The following PPM1G variants were observed in gnomAD, a reference collection of about 807,000 sequenced individuals.
PPM1G encodes the protein protein phosphatase 1G.
Under a neutral mutation model 59.4 loss-of-function variants are expected in PPM1G, and 12 were observed. That is an observed-to-expected ratio of 0.20 (90% confidence interval 0.13 to 0.33). The LOEUF is 0.33. PPM1G is among the 10% of genes least tolerant of loss of function. PPM1G has a pLI of 1.00. For synonymous variants in PPM1G, 245 were observed against 251.9 expected (o/e 0.97, Z 0.26); for missense variants, 392 against 681.3 (o/e 0.58, Z 4.73).
At chr2:27,387,521 G>T (rs1406124885) in intron 1 of PPM1G, among the ~76,000 whole-genome samples, 3 of 151,366 alleles carry the variant, frequency 2.0e-5, no homozygotes, top group Non-Finnish European at 4.4e-5. Context: ...TTTTTTTTGA[G>T]ACAGAGTCTC....
rs70953857 is a variant in PPM1G at position 27,392,286 on chromosome 2, GTTTTTTTTTT to G, written c.121-5138_121-5129del. Reference sequence around the variant, plus strand: ...TTACTTTGTTTTGTTGGTTTGTTTTGTTTTTTTTTTTTTTTTTTTTTTTTGAGAGAGAGAA... The same window carrying G: ...TTACTTTGTTTTGTTGGTTTGTTTTGTTTTTTTTTTTTTTGAGAGAGAGAA... On this transcript the variant is annotated intron_variant, in intron 1 of 9. Coordinates refer to ENST00000344034, the MANE Select transcript of PPM1G (RefSeq NM_177983.3). Among the ~76,000 whole-genome samples the G allele has an allele frequency of 9.3e-3, 658 of 70,402 alleles. 4 individuals carry two copies. Among genetic ancestry groups the G allele is most frequent in the Middle Eastern group, 0.036 (4 of 112 alleles). 46.2% of individuals were successfully genotyped at this position (70,402 alleles called of 152,430 possible). A position where few individuals can be genotyped will look rare whatever the true frequency, so the allele number is the denominator to read the frequency against.
In PPM1G at chr2:27,385,378, G is replaced by A. The variant is rs544565905; in HGVS notation, c.410-290C>T. ...TTGTAAAAACCCTATTCTGGCTGAG[G>A]ATCCAGGAAGCCCACAATGCTACTG... On this transcript the variant is annotated intron_variant, in intron 4 of 9. Transcript: ENST00000344034. The surrounding 1 kb of genome is among the most constrained non-coding windows in gnomAD (Gnocchi z 4.1). 4 of 422,894 alleles carry A rather than the reference G, an allele frequency of 9.5e-6. No individual in the cohort carries two copies. In the Admixed American group the frequency reaches 1.6e-4, roughly 17 times the overall value. 26.2% of individuals were successfully genotyped at this position (422,894 alleles called of 1,614,324 possible).
chr2:27,391,575 GTTGGATGTATACTTT>G (rs1028476526), intron 1 of PPM1G, among the ~76,000 whole-genome samples: 1 of 152,034 alleles, frequency 6.6e-6, no homozygotes, highest in Non-Finnish European at 1.5e-5. Flanking sequence ...TTAGACTTTT[GTTGGATGTATACTTT>G]GTGAATATTT....
chr2:27,386,999 G>T (rs1372695600), intron 2 of PPM1G, 90 bp downstream of exon 2: 4 of 1,010,938 alleles, frequency 4.0e-6, no homozygotes, highest in Non-Finnish European at 6.2e-6. Flanking sequence ...CCAGACCCTG[G>T]AAAGTAAATG....
chr2:27,387,029 G>C lies in PPM1G; in HGVS notation c.190+60C>G, dbSNP rs1572661292. ...TAAATGAACAAAGGGACCTGTTCTT[G>C]CCCTGGAACGTCTGGAATTGGGGTC... On this transcript the variant is annotated intron_variant, in intron 2 of 9. Transcript: ENST00000344034. 10 of 1,351,938 alleles carry C rather than the reference G, an allele frequency of 7.4e-6. No individual in the cohort carries two copies. The East Asian group carries it at 2.3e-4, about 31-fold the overall frequency. The allele number at this position is 1,351,938 out of a possible 1,614,324, so 83.7% of individuals were successfully genotyped here.
chr2:27,398,523 C>T (rs1332748057), intron 1 of PPM1G, among the ~76,000 whole-genome samples: 1 of 152,028 alleles, frequency 6.6e-6, no homozygotes, highest in Admixed American at 6.6e-5. Context: ...CAAAAGACAC[C>T]ATCAAGAAAG....
chr2:27,396,892 A>C (rs1684066142), intron 1 of PPM1G, among the ~76,000 whole-genome samples: 1 of 151,646 alleles, frequency 6.6e-6, no homozygotes, highest in African/African-American at 2.4e-5. Flanking sequence ...CCCTTGAAAC[A>C]GAGTTTTGCT....
chr2:27,392,985 T>C (rs990206824), intron 1 of PPM1G: 76 of 1,516,934 alleles, frequency 5.0e-5, no homozygotes, highest in Non-Finnish European at 6.6e-5. Context: ...GTTTGTGCAG[T>C]TCCAGTAGTG....
At position 27,386,968 on chromosome 2, in the gene PPM1G, C is replaced by T. The variant is rs147578066; in HGVS notation, c.190+121G>A. 405 of 723,078 alleles carry T rather than the reference C, an allele frequency of 5.6e-4. 2 individuals carry two copies. In the African/African-American group the frequency reaches 6.3e-3, roughly 11 times the overall value. The allele number at this position is 723,078 out of a possible 1,614,324, so 44.8% of individuals were successfully genotyped here. ...GACAGAATACAGAAAAACAGCACCACGCAGGAAATGATAATGAGGGCCAGA... is the reference window on the plus strand; with the variant it reads ...GACAGAATACAGAAAAACAGCACCATGCAGGAAATGATAATGAGGGCCAGA... On this transcript the variant is annotated intron_variant, in intron 2 of 9. Transcript: ENST00000344034.
chr2:27,390,644 T>G (rs1040935485), intron 1 of PPM1G, among the ~76,000 whole-genome samples: 3 of 149,284 alleles, frequency 2.0e-5, no homozygotes, highest in Non-Finnish European at 1.5e-5. Context: ...ACCATGTCAG[T>G]TTTTTTTTTA....
chr2:27,406,565 A>C (rs891855704), intron 1 of PPM1G, among the ~76,000 whole-genome samples: 1 of 152,214 alleles, frequency 6.6e-6, no homozygotes, highest in South Asian at 2.1e-4. Flanking sequence ...GAAGATTAGG[A>C]TGTAAGGAAT....
chr2:27,404,252 C>T (rs13388284), intron 1 of PPM1G, among the ~76,000 whole-genome samples: 1,801 of 151,774 alleles, frequency 0.012, 36 homozygotes, highest in African/African-American at 0.042. Flanking sequence ...TGATTTATAG[C>T]ACAAAAAATT....
chr2:27,406,812 T>C (rs1478180363), intron 1 of PPM1G, among the ~76,000 whole-genome samples: 8 of 151,940 alleles, frequency 5.3e-5, no homozygotes, highest in African/African-American at 1.9e-4. Flanking sequence ...AAATATTAAA[T>C]GAGAAACCTG....
chr2:27,387,571 G>A (rs1683799454), intron 1 of PPM1G, among the ~76,000 whole-genome samples: 1 of 152,032 alleles, frequency 6.6e-6, no homozygotes, highest in Admixed American at 6.6e-5. Context: ...CGCGATCTTG[G>A]CTCACTGCAA....
At chr2:27,396,801 G>C (rs988427026) in intron 1 of PPM1G, among the ~76,000 whole-genome samples, 7 of 132,572 alleles carry the variant, frequency 5.3e-5, no homozygotes, top group African/African-American at 2.3e-4. Context: ...AGGTGACAGA[G>C]CAAGACTCCG....
chr2:27,392,068 T>C (rs1238425135), intron 1 of PPM1G, among the ~76,000 whole-genome samples: 6 of 150,482 alleles, frequency 4.0e-5, no homozygotes, highest in Non-Finnish European at 7.4e-5. Flanking sequence ...ACTTAACACA[T>C]GTAATCAGGA....
Position 27,382,080 on chromosome 2 carries a change from T to G in PPM1G, c.1434+46A>C, listed in dbSNP as rs779343138. On this transcript the variant is annotated intron_variant, in intron 9 of 9. Coordinates refer to ENST00000344034, the MANE Select transcript of PPM1G (RefSeq NM_177983.3). This position sits in a 1 kb window ranked among gnomAD's most constrained non-coding sequence, Gnocchi z 4.2. ...TAGCTCAGATTAAAAGAGTGAACCC[T>G]GGCTGTGCAGACCAGACACCCTCTC... 6.4e-7 allele frequency: 1 copy of G among 1,557,058 alleles called. No homozygotes were observed. The highest frequency in any genetic ancestry group is 8.9e-7 in the Non-Finnish European group (1 of 1,129,000).
At chr2:27,409,102 C>A (rs1663451275) in intron 1 of PPM1G, among the ~76,000 whole-genome samples, 2 of 152,204 alleles carry the variant, frequency 1.3e-5, no homozygotes, top group Admixed American at 6.5e-5. Flanking sequence ...CTCGCCGCCA[C>A]TGGCCACCGG....
At chr2:27,397,469 A>AT (rs1684079689) in intron 1 of PPM1G, among the ~76,000 whole-genome samples, 1 of 152,224 alleles carries the variant, frequency 6.6e-6, no homozygotes, top group African/African-American at 2.4e-5. Context: ...CCAGCACCAT[A>AT]TAAAAGGATA....
Sources: gnomAD v4.1 joint callset for allele counts (sites outside exome capture counted in the v4.1 genomes callset) on GRCh38, gnomAD v4.1.1 for gene constraint, Gnocchi (gnomAD v3.1) non-coding constraint, MANE v1.5 for transcripts, NCBI Gene and HGNC (gene_info 2026-07-23, HGNC 2026-07-21) for gene names.